IMMP2L: variants seen among roughly 807,000 people sequenced by gnomAD.
The protein encoded by IMMP2L is inner mitochondrial membrane peptidase subunit 2, also known as mitochondrial inner membrane protease subunit 2.
In IMMP2L, 18 loss-of-function variants were observed where a neutral mutation model predicts 19.3. That is an observed-to-expected ratio of 0.93 (90% CI 0.64 to 1.38). The LOEUF (loss-of-function observed/expected upper bound fraction) is 1.38. Among genes scored for constraint, IMMP2L ranks in the 40% most tolerant of loss-of-function variants. The pLI is 0.00. For synonymous variants in IMMP2L, 76 were observed against 73.0 expected (o/e 1.04, Z -0.21); for missense variants, 233 against 218.2 (o/e 1.07, Z -0.43).
intron 5 of IMMP2L, among the ~76,000 whole-genome samples, chr7:110,765,465 T>C (rs534992401): frequency 7.2e-5 from 11 of 152,140 alleles, no homozygotes; most frequent in Non-Finnish European, 1.6e-4. Flanking sequence ...GGACACAGTA[T>C]GGACTGAAGA....
intron 5 of IMMP2L, among the ~76,000 whole-genome samples, chr7:110,751,058 G>A (rs959632421): frequency 1.3e-5 from 2 of 151,812 alleles, no homozygotes; most frequent in African/African-American, 4.8e-5. Context: ...TCAGTAGAAT[G>A]TCTTGTTTCT....
chr7:111,132,719 A>C (rs1801966833), intron 3 of IMMP2L, among the ~76,000 whole-genome samples: 1 of 152,056 alleles, frequency 6.6e-6, no homozygotes, highest in South Asian at 2.1e-4. Context: ...GCATATTGAT[A>C]AAAGAGGTAG....
At chr7:110,719,251 C>T (rs1281893901) in intron 5 of IMMP2L, among the ~76,000 whole-genome samples, 1 of 152,160 alleles carries the variant, frequency 6.6e-6, no homozygotes, top group African/African-American at 2.4e-5. Context: ...TGGTCTCATG[C>T]ACCATCTGAC....
chr7:111,041,997 A>G (rs1791943184), intron 3 of IMMP2L, among the ~76,000 whole-genome samples: 1 of 152,194 alleles, frequency 6.6e-6, no homozygotes. Flanking sequence ...TAGGGCTTTT[A>G]TAAGGGTGAA....
chr7:111,230,594 T>C (rs1037798152), intron 3 of IMMP2L, among the ~76,000 whole-genome samples: 5 of 152,030 alleles, frequency 3.3e-5, no homozygotes, highest in Non-Finnish European at 5.9e-5. Flanking sequence ...ACTTTAGGCT[T>C]AGGTGGTGGT....
intron 3 of IMMP2L, among the ~76,000 whole-genome samples, chr7:111,203,430 A>G (rs962504599): frequency 1.3e-5 from 2 of 152,134 alleles, no homozygotes; most frequent in Non-Finnish European, 2.9e-5. Context: ...TGAAGGCAAG[A>G]TAGATACAGA....
intron 3 of IMMP2L, among the ~76,000 whole-genome samples, chr7:111,006,010 C>T (rs1563153017): frequency 6.6e-6 from 1 of 152,048 alleles, no homozygotes; most frequent in Non-Finnish European, 1.5e-5. Flanking sequence ...GAGTAACTAG[C>T]TACCCTAGTC....
intron 3 of IMMP2L, among the ~76,000 whole-genome samples, chr7:111,370,986 A>C (rs1830213284): frequency 6.6e-6 from 1 of 151,868 alleles, no homozygotes; most frequent in Non-Finnish European, 1.5e-5. Flanking sequence ...ATATATCATC[A>C]CTGTTTGAAA....
chr7:111,126,637 T>C (rs1486874760), intron 3 of IMMP2L, among the ~76,000 whole-genome samples: 3 of 152,098 alleles, frequency 2.0e-5, no homozygotes, highest in Non-Finnish European at 2.9e-5. Flanking sequence ...AAATCTTATA[T>C]AGGGAATATA....
intron 5 of IMMP2L, among the ~76,000 whole-genome samples, chr7:110,703,115 T>C (rs889703514): frequency 6.6e-6 from 1 of 152,170 alleles, no homozygotes; most frequent in Admixed American, 6.5e-5. Context: ...AGTTCCCTTA[T>C]ATGCCCAGTT....
At chr7:111,224,234 G>A (rs1242480987) in intron 3 of IMMP2L, among the ~76,000 whole-genome samples, 3 of 152,134 alleles carry the variant, frequency 2.0e-5, no homozygotes, top group Admixed American at 6.6e-5. Context: ...AGAACCACAA[G>A]TGAGAATGTC....
chr7:110,926,114 AT>A (rs1208476552), intron 4 of IMMP2L, among the ~76,000 whole-genome samples: 1 of 151,978 alleles, frequency 6.6e-6, no homozygotes, highest in South Asian at 2.1e-4. Flanking sequence ...TAAAACAACA[AT>A]TTTTTTGGTG....
chr7:111,124,904 C>G, intron 3 of IMMP2L: 3 of 1,482,460 alleles, frequency 2.0e-6, no homozygotes, highest in Non-Finnish European at 2.7e-6. Context: ...TCCTAAAAAC[C>G]ACCAAGGAAA....
At chr7:110,979,778 C>T (rs1821074621) in intron 3 of IMMP2L, among the ~76,000 whole-genome samples, 1 of 152,022 alleles carries the variant, frequency 6.6e-6, no homozygotes, top group African/African-American at 2.4e-5. Context: ...TAACAGACAC[C>T]TCAAGGTGGA....
chr7:110,916,834 G>A (rs1412662190), intron 4 of IMMP2L, among the ~76,000 whole-genome samples: 1 of 152,046 alleles, frequency 6.6e-6, no homozygotes, highest in Non-Finnish European at 1.5e-5. Flanking sequence ...ATTATAGTTG[G>A]TGATACATTA....
At chr7:111,335,179 C>G (rs1826272486) in intron 3 of IMMP2L, among the ~76,000 whole-genome samples, 1 of 152,068 alleles carries the variant, frequency 6.6e-6, no homozygotes, top group Non-Finnish European at 1.5e-5. Flanking sequence ...AAGATACAAA[C>G]TAGAGCTAGG....
At chr7:111,521,243 C>A in intron 2 of IMMP2L, 70 bp downstream of exon 2, 1 of 1,436,930 alleles carries the variant, frequency 7.0e-7, no homozygotes, top group Non-Finnish European at 9.5e-7. Flanking sequence ...TAATAATTAG[C>A]ACTCTCATTT....
chr7:111,415,918 T>C lies in IMMP2L; in HGVS notation c.239+71320A>G, dbSNP rs149414842. Among the ~76,000 whole-genome samples the C allele has an allele frequency of 1.5e-3, 233 of 151,918 alleles. 8 individuals carry two copies. The highest frequency in any genetic ancestry group is 5.4e-3 in the African/African-American group (222 of 41,258). ...ACAACAAAAAAACAGAAAAAAAATT[T>C]TGAAACCTGCAAATAAAACATATCA... is the stretch of plus-strand genomic sequence containing the variant. On this transcript the variant is annotated intron_variant, in intron 3 of 5. Coordinates refer to ENST00000405709, the MANE Select transcript of IMMP2L (RefSeq NM_032549.4).
intron 3 of IMMP2L, among the ~76,000 whole-genome samples, chr7:111,337,022 A>G (rs1420945311): frequency 6.6e-6 from 1 of 152,090 alleles, no homozygotes; most frequent in Non-Finnish European, 1.5e-5. Context: ...CCAACTTTAA[A>G]TTTTAATCAA....
Sources: gnomAD v4.1 joint callset for allele counts (sites outside exome capture counted in the v4.1 genomes callset) on GRCh38, gnomAD v4.1.1 for gene constraint, MANE v1.5 for transcripts, NCBI Gene and HGNC (gene_info 2026-07-23, HGNC 2026-07-21) for gene names.